SLC25A25: variants seen among roughly 807,000 people sequenced by gnomAD.
SLC25A25 encodes the protein solute carrier family 25 member 25.
A neutral mutation model predicts 57.7 loss-of-function variants in SLC25A25; 32 were observed. That is an observed-to-expected ratio of 0.55 (90% CI 0.42 to 0.74). The LOEUF (loss-of-function observed/expected upper bound fraction) is 0.74, where lower values mean the gene tolerates loss of function less well. SLC25A25 is among the 30% of genes least tolerant of loss of function. The pLI, the probability that SLC25A25 is intolerant of heterozygous loss-of-function variation, is 0.00. For synonymous variants in SLC25A25, 306 were observed against 291.2 expected (o/e 1.05, Z -0.52); for missense variants, 556 against 701.3 (o/e 0.79, Z 2.34).
chr9:128,101,175 A>G lies in SLC25A25; in HGVS notation c.341A>G (p.Glu114Gly). The change falls in exon 2 of 11, where the codon GAG (glutamate) becomes GGG (glycine). Residue 114 changes from glutamate (E) to glycine (G), a missense_variant. By Grantham distance (98) the Glu-to-Gly change is moderately conservative. Coordinates refer to ENST00000373069, the MANE Select transcript of SLC25A25 (RefSeq NM_001330988.2). This position sits in a 1 kb window ranked among gnomAD's most constrained non-coding sequence, Gnocchi z 4.9. The stretch of plus-strand genomic sequence containing the variant: ...TTTGTCCATTATCTCCAAGATCATG[A>G]GAAGAAGCTGAGGCTGGTGTTTAAG... Reference protein sequence around the residue: ...EEFVHYLQDHEKKLRLVFKSL... With the variant: ...EEFVHYLQDHGKKLRLVFKSL... 1 of 1,614,270 alleles carries G rather than the reference A, an allele frequency of 6.2e-7. No homozygotes were observed. Among genetic ancestry groups the G allele is most frequent in the Non-Finnish European group, 8.5e-7 (1 of 1,180,048 alleles).
In SLC25A25 at chr9:128,102,820, C is replaced by G. The variant is rs1264413334; in HGVS notation, c.624+339C>G. Among the ~76,000 whole-genome samples, 2 of 152,184 alleles carry G rather than the reference C, an allele frequency of 1.3e-5. No homozygotes were observed. Among genetic ancestry groups the G allele is most frequent in the Non-Finnish European group, 2.9e-5 (2 of 68,024 alleles). ...TTCTCCCAAAGCTGGTATGAGCCTT[C>G]CCCCCGGTGGGAGGGGGCTGGGGCA... is the stretch of plus-strand genomic sequence containing the variant. On this transcript the variant is annotated intron_variant, in intron 5 of 10. Transcript: ENST00000373069. This position sits in a 1 kb window ranked among gnomAD's most constrained non-coding sequence, Gnocchi z 4.1.
chr9:128,091,380 G>C (rs1833399181), intron 1 of SLC25A25: 1 of 950,054 alleles, frequency 1.1e-6, no homozygotes, highest in African/African-American at 1.8e-5. Context: ...TAATGAACTT[G>C]GTAGTGTCGG....
chr9:128,098,662 C>T lies in SLC25A25; in HGVS notation c.262-2434C>T, dbSNP rs767899543. On this transcript the variant is annotated intron_variant, in intron 1 of 10. Coordinates refer to ENST00000373069, the MANE Select transcript of SLC25A25 (RefSeq NM_001330988.2). Reference sequence around the variant, plus strand: ...AGGGGCTCCCTGCCGAGCTGAAGTCCATTTTCAAGCTCAGTGTCTTCATCC... The same window carrying T: ...AGGGGCTCCCTGCCGAGCTGAAGTCTATTTTCAAGCTCAGTGTCTTCATCC... 8 of 1,614,140 alleles carry T rather than the reference C, an allele frequency of 5.0e-6. No individual in the cohort carries two copies. The South Asian group carries it at 7.7e-5, about 16-fold the overall frequency.
chr9:128,101,067 A>G lies in SLC25A25; in HGVS notation c.262-29A>G, dbSNP rs772133742. 6.2e-6 allele frequency: 10 copies of G among 1,613,530 alleles called. No homozygotes were observed. The South Asian group carries it at 8.8e-5, about 14-fold the overall frequency. On this transcript the variant is annotated intron_variant, in intron 1 of 10. Coordinates refer to ENST00000373069, the MANE Select transcript of SLC25A25 (RefSeq NM_001330988.2). This position sits in a 1 kb window ranked among gnomAD's most constrained non-coding sequence, Gnocchi z 4.9. Reference sequence around the variant, plus strand: ...CAAGGAAAGGCTGGTCCAGGAGCCAAAAGACAAAATGTTACCTTTCTTTTC... The same window carrying G: ...CAAGGAAAGGCTGGTCCAGGAGCCAGAAGACAAAATGTTACCTTTCTTTTC...
Position 128,102,067 on chromosome 9 carries a change from G to T in SLC25A25, c.477-13G>T, listed in dbSNP as rs958640832. ...TTCTGCTCTCTCCTCCGCATCCTTTGTCTGTCTGTCAGAATACGAACGGGC... is the reference window on the plus strand; with the variant it reads ...TTCTGCTCTCTCCTCCGCATCCTTTTTCTGTCTGTCAGAATACGAACGGGC... On this transcript the variant is annotated splice_polypyrimidine_tract_variant and intron_variant, in intron 3 of 10. Coordinates refer to ENST00000373069, the MANE Select transcript of SLC25A25 (RefSeq NM_001330988.2). This position sits in a 1 kb window ranked among gnomAD's most constrained non-coding sequence, Gnocchi z 4.1. The T allele has an allele frequency of 7.7e-6, 12 of 1,550,396 alleles. No homozygotes were observed. Among genetic ancestry groups the T allele is most frequent in the African/African-American group, 5.5e-5 (4 of 73,032 alleles).
At position 128,068,435 on chromosome 9, in the gene SLC25A25, C is replaced by G; in HGVS notation, c.116C>G (p.Ala39Gly). 1 of 1,559,156 alleles carries G rather than the reference C, an allele frequency of 6.4e-7. No homozygotes were observed. Among genetic ancestry groups the G allele is most frequent in the Non-Finnish European group, 8.6e-7 (1 of 1,163,244 alleles). ...TCCGTGGGGGACCCCTGCGGCGGCG[C>G]TATCTGCGGGGGCCCGGACCACCGG... The part of the protein sequence containing the change: ...PASVGDPCGG[A>G]ICGGPDHRLR... Residue 39 changes from alanine (A) to glycine (G), a missense_variant, in exon 1 of 11, where the codon GCT (alanine) becomes GGT (glycine). This residue lies in a region of SLC25A25 where 248 missense variants were observed against 273.5 expected (regional missense o/e 0.91). Transcript: ENST00000373069.
chr9:128,096,687 T>TTA (rs1243164065), intron 1 of SLC25A25, among the ~76,000 whole-genome samples: 9 of 152,206 alleles, frequency 5.9e-5, no homozygotes, highest in Non-Finnish European at 1.3e-4. Context: ...ATGAAGCACC[T>TTA]TATTTGATCA....
At chr9:128,083,848 G>A (rs1459254550) in intron 1 of SLC25A25, among the ~76,000 whole-genome samples, 1 of 152,056 alleles carries the variant, frequency 6.6e-6, no homozygotes, top group African/African-American at 2.4e-5. Flanking sequence ...TAGGTACTAG[G>A]CAGTTAAGCA....
intron 1 of SLC25A25, among the ~76,000 whole-genome samples, chr9:128,088,307 T>C (rs538518245): frequency 6.6e-6 from 1 of 152,278 alleles, no homozygotes; most frequent in African/African-American, 2.4e-5. Context: ...CGGGAACTAT[T>C]CCTAGCCCTG....
chr9:128,105,087 C>T (rs1354514838), intron 6 of SLC25A25, among the ~76,000 whole-genome samples: 1 of 148,470 alleles, frequency 6.7e-6, no homozygotes, highest in Non-Finnish European at 1.5e-5. Flanking sequence ...TCACACTCCT[C>T]ACCTCATGTG....
chr9:128,082,739 G>A (rs1342137733), intron 1 of SLC25A25, among the ~76,000 whole-genome samples: 1 of 151,928 alleles, frequency 6.6e-6, no homozygotes, highest in African/African-American at 2.4e-5. Context: ...TCCGCCTCCC[G>A]GATTCAAGGG....
At chr9:128,098,954 A>C (rs1202281257) in intron 1 of SLC25A25, 1 of 985,314 alleles carries the variant, frequency 1.0e-6, no homozygotes, top group East Asian at 1.1e-4. Context: ...TGTTGTGAGA[A>C]ATGGACTTTC....
intron 9 of SLC25A25, 83 bp from the exon 10 acceptor site, chr9:128,106,945 GC>G: frequency 6.6e-7 from 1 of 1,512,706 alleles, no homozygotes; most frequent in Non-Finnish European, 9.0e-7. Flanking sequence ...GGTTCCAGTG[GC>G]CTGAGGACCC....
rs547576840 is a variant in SLC25A25 at position 128,107,175 on chromosome 9, G to A, written c.1359G>A (p.Ala453=). 1.2e-4 allele frequency: 200 copies of A among 1,613,820 alleles called. No homozygotes were observed. In the South Asian group the frequency reaches 1.7e-3, roughly 14 times the overall value. The part of the protein sequence containing the change: ...PLALVRTRMQ[A]QASIEGAPEV... ...CCCTAGTCAGGACCCGGATGCAGGC[G>A]CAAGGTAAGGCTGGCCCTGGACAGT... The change falls in exon 10 of 11, where the codon GCG becomes GCA. Residue 453 remains alanine (A), a synonymous_variant. Coordinates refer to ENST00000373069, the MANE Select transcript of SLC25A25 (RefSeq NM_001330988.2).
Position 128,101,453 on chromosome 9 carries a change from A to G in SLC25A25, c.476+57A>G. 1 of 1,578,942 alleles carries G rather than the reference A, an allele frequency of 6.3e-7. No individual in the cohort carries two copies. The highest frequency in any genetic ancestry group is 8.7e-7 in the Non-Finnish European group (1 of 1,152,260). ...TAAGTGTGATGAAGGGAAGGCTCTG[A>G]GACTAACCCTCCGATGCCATTCCCT... On this transcript the variant is annotated intron_variant, in intron 3 of 10. Transcript: ENST00000373069. This position sits in a 1 kb window ranked among gnomAD's most constrained non-coding sequence, Gnocchi z 4.9.
rs1564198235 is a variant in SLC25A25 at position 128,107,247 on chromosome 9, C to T, written c.1364-13C>T. On this transcript the variant is annotated splice_polypyrimidine_tract_variant and intron_variant, in intron 10 of 10. Transcript: ENST00000373069. ...CGGACAGAAGCATCTGACTGGTGGC[C>T]TCCATCCTGCAGCCTCTATTGAGGG... 6.2e-7 allele frequency: 1 copy of T among 1,609,268 alleles called. No homozygotes were observed. Among genetic ancestry groups the T allele is most frequent in the Non-Finnish European group, 8.5e-7 (1 of 1,176,850 alleles).
chr9:128,106,216 T>G lies in SLC25A25; in HGVS notation c.1003T>G (p.Leu335Val). Residue 335 changes from leucine to valine, a missense_variant, in exon 8 of 11, where the codon TTG becomes GTG. Coordinates refer to ENST00000373069, the MANE Select transcript of SLC25A25 (RefSeq NM_001330988.2). Reference sequence around the variant, plus strand: ...TCACGAGAGGCTTGTGGCAGGGTCCTTGGCAGGGGCCATCGCCCAGAGCAG... The same window carrying G: ...TCACGAGAGGCTTGTGGCAGGGTCCGTGGCAGGGGCCATCGCCCAGAGCAG... ...RIHERLVAGSLAGAIAQSSIY... is the reference protein window; with the variant it reads ...RIHERLVAGSVAGAIAQSSIY... The G allele has an allele frequency of 6.2e-7, 1 of 1,614,160 alleles. No individual in the cohort carries two copies. The highest frequency in any genetic ancestry group is 1.1e-5 in the South Asian group (1 of 91,082).
chr9:128,083,015 T>C (rs1833187449), intron 1 of SLC25A25, among the ~76,000 whole-genome samples: 1 of 150,792 alleles, frequency 6.6e-6, no homozygotes, highest in African/African-American at 2.4e-5. Flanking sequence ...GATCACAAGG[T>C]CAGGAGTTCA....
At chr9:128,091,408 G>T in intron 1 of SLC25A25, 1 of 984,128 alleles carries the variant, frequency 1.0e-6, no homozygotes, top group Non-Finnish European at 1.2e-6. Context: ...GATTGGCCGG[G>T]CTCTGCTGCA....
Sources: gnomAD v4.1 joint callset for allele counts (sites outside exome capture counted in the v4.1 genomes callset) on GRCh38, gnomAD v4.1.1 for gene constraint, gnomAD v4.1.1 regional missense constraint, Gnocchi (gnomAD v3.1) non-coding constraint, MANE v1.5 for transcripts, NCBI Gene and HGNC (gene_info 2026-07-23, HGNC 2026-07-21) for gene names.